Variants in FEZ1 observed in about 807,000 individuals in gnomAD.
The protein encoded by FEZ1 is fasciculation and elongation protein zeta-1.
Under a neutral mutation model 49.3 loss-of-function variants are expected in FEZ1, and 20 were observed. The observed-to-expected ratio is 0.41, with a 90% CI of 0.29 to 0.59. FEZ1 has a LOEUF of 0.59. Among genes scored for constraint, FEZ1 ranks in the 20% least tolerant of loss-of-function variants. The pLI is 0.36. For missense variants in FEZ1, 413 were observed against 476.0 expected (o/e 0.87, Z 1.23); for synonymous variants, 170 against 180.9 (o/e 0.94, Z 0.48).
intron 3 of FEZ1, among the ~76,000 whole-genome samples, chr11:125,471,431 TAC>T (rs34965918): frequency 0.71 from 105,476 of 147,784 alleles, 37,766 homozygotes; most frequent in East Asian, 0.87. Context: ...TTGAGATAGA[TAC>T]ACACACACAC....
chr11:125,456,635 G>T (rs547756300), intron 5 of FEZ1, among the ~76,000 whole-genome samples: 1 of 152,302 alleles, frequency 6.6e-6, no homozygotes, highest in South Asian at 2.1e-4. Flanking sequence ...TCAAAAATAT[G>T]TGAAACCTGG....
chr11:125,487,426 C>T (rs1014357758), intron 2 of FEZ1, among the ~76,000 whole-genome samples: 1 of 152,100 alleles, frequency 6.6e-6, no homozygotes, highest in East Asian at 1.9e-4. Flanking sequence ...AGAGAGAGTA[C>T]CAAAATTAGA....
intron 6 of FEZ1, among the ~76,000 whole-genome samples, chr11:125,455,198 C>T (rs1191520556): frequency 2.6e-5 from 4 of 151,938 alleles, no homozygotes; most frequent in Non-Finnish European, 5.9e-5. Context: ...TGAGACCAGC[C>T]TGGCCAACAT....
intron 3 of FEZ1, among the ~76,000 whole-genome samples, chr11:125,465,143 C>T (rs1381402008): frequency 6.6e-6 from 1 of 152,126 alleles, no homozygotes; most frequent in Non-Finnish European, 1.5e-5. Flanking sequence ...TAGGCTCATC[C>T]TGGGAAACAG....
chr11:125,495,597 G>A lies in FEZ1; in HGVS notation c.-46+524C>T, dbSNP rs1957455210. On this transcript the variant is annotated intron_variant, in intron 1 of 9. Transcript: ENST00000278919. This position sits in a 1 kb window ranked among gnomAD's most constrained non-coding sequence, Gnocchi z 4.2. ...GGGAAGGCTCCGCACTCTGGGGAGG[G>A]GCACGAGCGGGGTCGGGGGTAAGTT... is the stretch of plus-strand genomic sequence containing the variant. 4.3e-6 allele frequency: 2 copies of A among 468,414 alleles called. No individual in the cohort carries two copies. Among genetic ancestry groups the A allele is most frequent in the African/African-American group, 4.0e-5 (2 of 49,990 alleles). The allele number at this position is 468,414 out of a possible 1,614,324, so 29.0% of individuals were successfully genotyped here.
At position 125,495,826 on chromosome 11, in the gene FEZ1, ACACACAC is replaced by A; in HGVS notation, c.-46+288_-46+294del. The A allele has an allele frequency of 3.6e-6, 1 of 278,090 alleles. No homozygotes were observed. 17.2% of individuals were successfully genotyped at this position (278,090 alleles called of 1,614,324 possible). A position where few individuals can be genotyped will look rare whatever the true frequency, so the allele number is the denominator to read the frequency against. On this transcript the variant is annotated intron_variant, in intron 1 of 9. Transcript: ENST00000278919. This position sits in a 1 kb window ranked among gnomAD's most constrained non-coding sequence, Gnocchi z 4.2. The stretch of plus-strand genomic sequence containing the variant: ...CACACACACACACACACACACACAC[ACACACAC>A]ACCAGGCCTGGCTGGAGGGCCGATG...
intron 2 of FEZ1, among the ~76,000 whole-genome samples, chr11:125,483,421 G>A (rs942764752): frequency 6.6e-6 from 1 of 152,124 alleles, no homozygotes; most frequent in African/African-American, 2.4e-5. Context: ...TCAAGTACTC[G>A]TTAGCCATCT....
chr11:125,468,139 T>G (rs1459789803), intron 3 of FEZ1, among the ~76,000 whole-genome samples: 1 of 152,144 alleles, frequency 6.6e-6, no homozygotes, highest in East Asian at 1.9e-4. Context: ...AAACTCTGAG[T>G]AGAGTTCCAC....
chr11:125,466,378 T>TG (rs1308366858), intron 3 of FEZ1, among the ~76,000 whole-genome samples: 1 of 151,924 alleles, frequency 6.6e-6, no homozygotes, highest in Non-Finnish European at 1.5e-5. Context: ...CTCAGGAGGC[T>TG]GAGGTGGGAG....
In FEZ1 at chr11:125,444,367, C is replaced by T. The variant is rs549256699; in HGVS notation, c.*1728G>A. 6.6e-6 allele frequency among the ~76,000 whole-genome samples: 1 copy of T among 152,254 alleles called. No individual in the cohort carries two copies. The highest frequency in any genetic ancestry group is 2.1e-4 in the South Asian group (1 of 4,818). On this transcript the variant is annotated 3_prime_UTR_variant, in exon 10 of 10. Transcript: ENST00000278919. ...TTGGGAAGCCTAGGAGGGCAGATCG[C>T]CTGAGGTCGGGAGTTCGAGACCAAC...
At chr11:125,473,286 T>G (rs1957199320) in intron 3 of FEZ1, among the ~76,000 whole-genome samples, 1 of 152,124 alleles carries the variant, frequency 6.6e-6, no homozygotes, top group Non-Finnish European at 1.5e-5. Flanking sequence ...CCAAAACAAT[T>G]TAATGGGGAA....
chr11:125,460,334 C>G (rs987730375), intron 5 of FEZ1, 164 bp downstream of exon 5: 1 of 538,224 alleles, frequency 1.9e-6, no homozygotes, highest in Non-Finnish European at 3.2e-6. Context: ...ATGCAAACTT[C>G]TCTCCTGATG....
intron 3 of FEZ1, among the ~76,000 whole-genome samples, chr11:125,477,744 G>A (rs1041749282): frequency 1.5e-4 from 23 of 151,898 alleles, no homozygotes; most frequent in African/African-American, 5.6e-4. Context: ...ACCCCATCTC[G>A]CCATTCCTGA....
At chr11:125,459,918 G>A (rs1023535639) in intron 5 of FEZ1, among the ~76,000 whole-genome samples, 20 of 152,156 alleles carry the variant, frequency 1.3e-4, no homozygotes, top group African/African-American at 4.6e-4. Flanking sequence ...CCAACATGGC[G>A]AAACCTCGTC....
At position 125,454,155 on chromosome 11, in the gene FEZ1, A is replaced by C. The variant is rs200973012; in HGVS notation, c.995T>G (p.Phe332Cys). ...CTGTTTGTCAGTTCCTGAGGAGCCAAAGGTCTGGCGGATGCCACTCTGCAG... is the reference window on the plus strand; with the variant it reads ...CTGTTTGTCAGTTCCTGAGGAGCCACAGGTCTGGCGGATGCCACTCTGCAG... ...NILQSGIRQTFGSSGTDKQYL... is the reference protein window; with the variant it reads ...NILQSGIRQTCGSSGTDKQYL... The change falls in exon 7 of 10, where the codon TTT becomes TGT. Residue 332 changes from phenylalanine (F) to cysteine (C), a missense_variant. Physicochemically the swap from Phe to Cys is radical, Grantham distance 205. Coordinates refer to ENST00000278919, the MANE Select transcript of FEZ1 (RefSeq NM_005103.5). The C allele has an allele frequency of 1.2e-6, 2 of 1,613,496 alleles. No homozygotes were observed. The highest frequency in any genetic ancestry group is 1.7e-5 in the Admixed American group (1 of 59,938).
chr11:125,471,054 T>C (rs1259973542), intron 3 of FEZ1, among the ~76,000 whole-genome samples: 5 of 152,262 alleles, frequency 3.3e-5, no homozygotes, highest in South Asian at 2.1e-4. Context: ...TAATGTATAG[T>C]GTAACCCCTA....
In FEZ1 at chr11:125,489,838, A is replaced by T; in HGVS notation, c.-45-16T>A. The T allele has an allele frequency of 1.3e-6, 2 of 1,508,672 alleles. No individual in the cohort carries two copies. The highest frequency in any genetic ancestry group is 1.4e-5 in the South Asian group (1 of 72,132). 93.5% of individuals were successfully genotyped at this position (1,508,672 alleles called of 1,614,324 possible). On this transcript the variant is annotated splice_polypyrimidine_tract_variant and intron_variant, in intron 1 of 9. Coordinates refer to ENST00000278919, the MANE Select transcript of FEZ1 (RefSeq NM_005103.5). The surrounding 1 kb of genome is among the most constrained non-coding windows in gnomAD (Gnocchi z 4.2). ...ATGAGTTTATCTAAAAGAAATGAAC[A>T]GCGTAATGTGAGTTTAGACCAGGCT... is the stretch of plus-strand genomic sequence containing the variant.
chr11:125,463,578 G>A lies in FEZ1; in HGVS notation c.412-8C>T. The stretch of plus-strand genomic sequence containing the variant: ...CTCTTCTTTCTCATGGATCTGGAGA[G>A]GAGGTGGGGAGATGGAATTCTGGGT... On this transcript the variant is annotated splice_region_variant and splice_polypyrimidine_tract_variant and intron_variant, in intron 3 of 9. Transcript: ENST00000278919. The A allele has an allele frequency of 6.4e-7, 1 of 1,563,152 alleles. No individual in the cohort carries two copies. Among genetic ancestry groups the A allele is most frequent in the Non-Finnish European group, 8.8e-7 (1 of 1,133,878 alleles).
At chr11:125,493,099 C>T (rs563127629) in intron 1 of FEZ1, among the ~76,000 whole-genome samples, 1 of 150,246 alleles carries the variant, frequency 6.7e-6, no homozygotes, top group Non-Finnish European at 1.5e-5. Context: ...GGCTGAGGTG[C>T]GTGGATCACC....
Sources: gnomAD v4.1 joint callset for allele counts (sites outside exome capture counted in the v4.1 genomes callset) on GRCh38, gnomAD v4.1.1 for gene constraint, Gnocchi (gnomAD v3.1) non-coding constraint, MANE v1.5 for transcripts, NCBI Gene and HGNC (gene_info 2026-07-23, HGNC 2026-07-21) for gene names.